Variants in SLIT3 observed in about 807,000 individuals in gnomAD.
SLIT3 encodes slit guidance ligand 3.
In SLIT3, 68 loss-of-function variants were observed where a neutral mutation model predicts 184.0. The observed-to-expected ratio is 0.37, with a 90% confidence interval of 0.30 to 0.45. SLIT3 has a LOEUF of 0.45. Among genes scored for constraint, SLIT3 ranks in the 20% least tolerant of loss-of-function variants. SLIT3 has a pLI of 1.00. For missense variants in SLIT3, 1,707 were observed against 2,026.0 expected, an observed-to-expected ratio of 0.84 and a Z score of 3.02; for synonymous variants, 831 against 828.6, an observed-to-expected ratio of 1.00 and a Z score of -0.05.
chr5:169,116,043 C>CAGAGAA (rs1302929462), intron 4 of SLIT3, among the ~76,000 whole-genome samples: 1 of 152,082 alleles, frequency 6.6e-6, no homozygotes, highest in Admixed American at 6.5e-5. Context: ...TGATGGAGCT[C>CAGAGAA]AGAGAAAGAG....
intron 32 of SLIT3, among the ~76,000 whole-genome samples, chr5:168,680,575 A>C (rs1177308893): frequency 1.3e-5 from 2 of 152,232 alleles, no homozygotes; most frequent in East Asian, 3.9e-4. Context: ...TCTGGCCCTG[A>C]GGCCAAGGTG....
intron 14 of SLIT3, among the ~76,000 whole-genome samples, chr5:168,770,050 G>A (rs529617902): frequency 3.3e-5 from 5 of 152,270 alleles, no homozygotes; most frequent in African/African-American, 4.8e-5. Context: ...CACACAAAGC[G>A]GGGAGGCATG....
Position 169,047,520 on chromosome 5 carries a change from TACCCTTCCATCTGGAGACCTAGATGGAAC to T in SLIT3, c.413+145930_413+145958del, listed in dbSNP as rs1459320764. ...TCCATCTGGAGACCTAGATGGAACC[TACCCTTCCATCTGGAGACCTAGATGGAAC>T]CTACCCTTCCATCTGGAGACCTAGA... On this transcript the variant is annotated intron_variant, in intron 4 of 35. Coordinates refer to ENST00000519560, the MANE Select transcript of SLIT3 (RefSeq NM_003062.4). Among the ~76,000 whole-genome samples, 3 of 52,420 alleles carry T rather than the reference TACCCTTCCATCTGGAGACCTAGATGGAAC, an allele frequency of 5.7e-5. No homozygotes were observed. In the African/African-American group the frequency reaches 7.7e-4, roughly 13 times the overall value. The allele number at this position is 52,420 out of a possible 152,430, so 34.4% of individuals were successfully genotyped here. A position where few individuals can be genotyped will look rare whatever the true frequency, so the allele number is the denominator to read the frequency against.
intron 4 of SLIT3, among the ~76,000 whole-genome samples, chr5:169,159,053 C>T (rs539379314): frequency 1.9e-4 from 28 of 150,742 alleles, no homozygotes; most frequent in Admixed American, 5.3e-4. Flanking sequence ...GAGGCTGAGG[C>T]GGGCAGATCA....
In SLIT3 at chr5:168,785,785, A is replaced by T. The variant is rs536957954; in HGVS notation, c.1151+122T>A. 1.1e-5 allele frequency: 8 copies of T among 721,668 alleles called. No homozygotes were observed. In the East Asian group the frequency reaches 2.0e-4, roughly 18 times the overall value. The allele number at this position is 721,668 out of a possible 1,614,324, so 44.7% of individuals were successfully genotyped here. ...CGGAGGTGAAGCGTGGACAGCTCAAACATTTTTTTCTCTTTTGTCTGCAGA... is the reference window on the plus strand; with the variant it reads ...CGGAGGTGAAGCGTGGACAGCTCAATCATTTTTTTCTCTTTTGTCTGCAGA... On this transcript the variant is annotated intron_variant, in intron 12 of 35. Coordinates refer to ENST00000519560, the MANE Select transcript of SLIT3 (RefSeq NM_003062.4).
At chr5:169,043,797 G>C (rs968258564) in intron 4 of SLIT3, among the ~76,000 whole-genome samples, 2 of 152,176 alleles carry the variant, frequency 1.3e-5, no homozygotes, top group African/African-American at 4.8e-5. Context: ...ATTTAAGAGG[G>C]AACAGCTATC....
chr5:168,861,291 G>A (rs962311559), intron 5 of SLIT3, among the ~76,000 whole-genome samples: 2 of 151,254 alleles, frequency 1.3e-5, no homozygotes, highest in African/African-American at 4.9e-5. Flanking sequence ...AGTGTGTGAT[G>A]TTCCCCTTCC....
At chr5:168,686,865 C>A in intron 30 of SLIT3, 114 bp downstream of exon 30, 2 of 1,281,002 alleles carry the variant, frequency 1.6e-6, no homozygotes, top group Non-Finnish European at 2.2e-6. Context: ...CACCCAGAAC[C>A]GGGGCTACAG....
chr5:168,950,730 G>T (rs753083229), intron 4 of SLIT3, among the ~76,000 whole-genome samples: 2 of 152,156 alleles, frequency 1.3e-5, no homozygotes, highest in Non-Finnish European at 2.9e-5. Context: ...ACATTACCAC[G>T]TAAGGATGTG....
At position 169,300,624 on chromosome 5, in the gene SLIT3, G is replaced by T; in HGVS notation, c.86C>A (p.Pro29His). 2 of 1,501,760 alleles carry T rather than the reference G, an allele frequency of 1.3e-6. No individual in the cohort carries two copies. Among genetic ancestry groups the T allele is most frequent in the South Asian group, 2.5e-5 (2 of 80,474 alleles). 93.0% of individuals were successfully genotyped at this position (1,501,760 alleles called of 1,614,324 possible). ...ALALASVLSG[P>H]PAVACPTKCT... ...CTTGGTGGGGCAGGCGACGGCTGGAGGCCCACTCAGGACGCTCGCCAGCGC... is the reference window on the plus strand; with the variant it reads ...CTTGGTGGGGCAGGCGACGGCTGGATGCCCACTCAGGACGCTCGCCAGCGC... Residue 29 changes from proline (P) to histidine (H), a missense_variant, in exon 1 of 36, where the codon CCT (proline) becomes CAT (histidine). Around this residue, in one of 3 missense-constraint regions of SLIT3, gnomAD observed 1,307 missense variants for 1,511.6 expected, o/e 0.86. Coordinates refer to ENST00000519560, the MANE Select transcript of SLIT3 (RefSeq NM_003062.4). This position sits in a 1 kb window ranked among gnomAD's most constrained non-coding sequence, Gnocchi z 4.1.
intron 28 of SLIT3, among the ~76,000 whole-genome samples, chr5:168,694,398 T>C (rs550264505): frequency 1.3e-5 from 2 of 152,326 alleles, no homozygotes; most frequent in South Asian, 2.1e-4. Flanking sequence ...CAGAAGCCCT[T>C]GTGGGCTGAG....
chr5:169,200,751 C>G (rs1320065232), intron 3 of SLIT3, among the ~76,000 whole-genome samples: 1 of 152,182 alleles, frequency 6.6e-6, no homozygotes, highest in Non-Finnish European at 1.5e-5. Context: ...CACTGAAGGC[C>G]TCTTACTTCC....
intron 4 of SLIT3, among the ~76,000 whole-genome samples, chr5:169,121,025 A>G (rs996125155): frequency 6.6e-6 from 1 of 152,186 alleles, no homozygotes; most frequent in Non-Finnish European, 1.5e-5. Context: ...CCATTTAGCA[A>G]TACAGAGGCT....
rs747687980 is a variant in SLIT3 at position 168,671,413 on chromosome 5, T to A, written c.3912A>T (p.Gly1304=). The change falls in exon 34 of 36, where the codon GGA becomes GGT. Residue 1304 remains glycine, a synonymous_variant. Transcript: ENST00000519560. The stretch of plus-strand genomic sequence containing the variant: ...TGTTGATGCGCACCTCATGGATGCA[T>A]CCGTGGAAGCCGCCTAGAGGCCGGT... The part of the protein sequence containing the change: ...GTDRPLGGFH[G]CIHEVRINNE... 1.2e-6 allele frequency: 2 copies of A among 1,614,062 alleles called. No homozygotes were observed. Among genetic ancestry groups the A allele is most frequent in the East Asian group, 2.2e-5 (1 of 44,874 alleles).
intron 1 of SLIT3, among the ~76,000 whole-genome samples, chr5:169,273,060 C>T (rs924032548): frequency 1.6e-4 from 24 of 152,232 alleles, no homozygotes; most frequent in Non-Finnish European, 2.9e-4. Context: ...GTGCCAAATG[C>T]TAAGGCCCAC....
At position 168,834,866 on chromosome 5, in the gene SLIT3, T is replaced by C. The variant is rs1757996193; in HGVS notation, c.557+9718A>G. On this transcript the variant is annotated intron_variant, in intron 6 of 35. Transcript: ENST00000519560. ...AGGGAAGCAGACCTGGTGGGAGCTA[T>C]GGTGATTTGCAGAACATGCCCTGTC... 2.0e-5 allele frequency among the ~76,000 whole-genome samples: 3 copies of C among 152,042 alleles called. 1 individual carries two copies. The highest frequency in any genetic ancestry group is 4.1e-4 in the South Asian group (2 of 4,820).
At chr5:169,027,881 G>A (rs1390501587) in intron 4 of SLIT3, among the ~76,000 whole-genome samples, 1 of 152,190 alleles carries the variant, frequency 6.6e-6, no homozygotes, top group Non-Finnish European at 1.5e-5. Context: ...AAAAGCCATT[G>A]ATCTGGGAAG....
chr5:168,950,718 A>G (rs1315114257), intron 4 of SLIT3, among the ~76,000 whole-genome samples: 1 of 152,258 alleles, frequency 6.6e-6, no homozygotes, highest in Non-Finnish European at 1.5e-5. Context: ...ACCTGCCTCA[A>G]AACATTACCA....
At chr5:169,036,067 C>G (rs554904788) in intron 4 of SLIT3, 1 of 152,332 alleles carries the variant, frequency 6.6e-6, no homozygotes, top group East Asian at 1.9e-4. Context: ...TGAAAGTGCC[C>G]TAACTTCTTT....
Sources: gnomAD v4.1 joint callset for allele counts (sites outside exome capture counted in the v4.1 genomes callset) on GRCh38, gnomAD v4.1.1 for gene constraint, gnomAD v4.1.1 regional missense constraint, Gnocchi (gnomAD v3.1) non-coding constraint, MANE v1.5 for transcripts, NCBI Gene and HGNC (gene_info 2026-07-23, HGNC 2026-07-21) for gene names.